Variants in RABGAP1L observed in about 807,000 individuals in gnomAD.
RABGAP1L encodes RAB GTPase activating protein 1 like.
In RABGAP1L, 63 loss-of-function variants were observed where a neutral mutation model predicts 137.7. The observed-to-expected ratio is 0.46, with a 90% CI of 0.37 to 0.56. The LOEUF (loss-of-function observed/expected upper bound fraction) is 0.56, where lower values mean the gene tolerates loss of function less well. Ranked by LOEUF, RABGAP1L falls within the 20% of genes least tolerant of loss-of-function variation. RABGAP1L has a pLI of 0.00. For synonymous variants in RABGAP1L, 431 were observed against 433.7 expected (o/e 0.99, Z 0.08); for missense variants, 1,095 against 1,244.0 (o/e 0.88, Z 1.80).
At chr1:174,328,370 T>G (rs1253184846) in intron 11 of RABGAP1L, among the ~76,000 whole-genome samples, 2 of 152,056 alleles carry the variant, frequency 1.3e-5, no homozygotes, top group Non-Finnish European at 2.9e-5. Flanking sequence ...TAATAGAAGT[T>G]GAAATCAACA....
intron 13 of RABGAP1L, among the ~76,000 whole-genome samples, chr1:174,504,416 A>G (rs1387787377): frequency 1.6e-5 from 2 of 121,726 alleles, no homozygotes; most frequent in Admixed American, 7.3e-5. Flanking sequence ...ACTTGAGGGA[A>G]AAAAAAAAAA....
chr1:174,780,095 TAAATA>T (rs1412741133), intron 18 of RABGAP1L, among the ~76,000 whole-genome samples: 1 of 150,400 alleles, frequency 6.6e-6, no homozygotes, highest in South Asian at 2.1e-4. Context: ...AATAAATAAA[TAAATA>T]AATAAATAAA....
chr1:174,562,448 G>T (rs1667284840), intron 13 of RABGAP1L, among the ~76,000 whole-genome samples: 1 of 152,134 alleles, frequency 6.6e-6, no homozygotes, highest in African/African-American at 2.4e-5. Context: ...ACAGTGTGGT[G>T]ATTCCTCAAG....
intron 13 of RABGAP1L, among the ~76,000 whole-genome samples, chr1:174,510,076 G>A (rs1160256664): frequency 6.6e-6 from 1 of 152,124 alleles, no homozygotes; most frequent in Non-Finnish European, 1.5e-5. Flanking sequence ...GACTGGTAAT[G>A]CCATTACTCT....
rs150636256 is a variant in RABGAP1L, at chr1:174,484,198, C to T, written c.1710+90053C>T. On this transcript the variant is annotated intron_variant, in intron 13 of 25. Coordinates refer to ENST00000681986, the MANE Select transcript of RABGAP1L (RefSeq NM_001366446.1). Reference sequence around the variant, plus strand: ...ATATACCTGTGTGTCATTCGTATGTCATCTTTGGAGAAATGTTTATTCAGA... The same window carrying T: ...ATATACCTGTGTGTCATTCGTATGTTATCTTTGGAGAAATGTTTATTCAGA... Among the ~76,000 whole-genome samples, 7 of 152,248 alleles carry T rather than the reference C, an allele frequency of 4.6e-5. 1 individual carries two copies. The East Asian group carries it at 1.4e-3, about 29-fold the overall frequency.
intron 17 of RABGAP1L, among the ~76,000 whole-genome samples, chr1:174,707,155 A>C (rs542369061): frequency 6.6e-6 from 1 of 152,336 alleles, no homozygotes; most frequent in Non-Finnish European, 1.5e-5. Flanking sequence ...TAGCATGAGC[A>C]TTAACTTTGA....
chr1:174,566,973 T>C (rs549247968), intron 13 of RABGAP1L, among the ~76,000 whole-genome samples: 1 of 152,324 alleles, frequency 6.6e-6, no homozygotes, highest in East Asian at 1.9e-4. Context: ...GCCTGATATT[T>C]TTTATTGTGG....
chr1:174,927,325 G>A (rs949876287), intron 19 of RABGAP1L, among the ~76,000 whole-genome samples: 1 of 152,106 alleles, frequency 6.6e-6, no homozygotes, highest in Non-Finnish European at 1.5e-5. Context: ...ATTTTATTAA[G>A]TGTTGTTTGT....
intron 12 of RABGAP1L, among the ~76,000 whole-genome samples, chr1:174,375,739 C>A (rs779518054): frequency 6.6e-6 from 1 of 151,946 alleles, no homozygotes; most frequent in Non-Finnish European, 1.5e-5. Flanking sequence ...AAATTTGAGG[C>A]CAAAATGGCA....
rs1306914188 is a variant in RABGAP1L, at chr1:174,761,407, G to A, written c.2211+9053G>A. Among the ~76,000 whole-genome samples, 1 of 152,066 alleles carries A rather than the reference G, an allele frequency of 6.6e-6. No individual in the cohort carries two copies. Among genetic ancestry groups the A allele is most frequent in the Non-Finnish European group, 1.5e-5 (1 of 68,018 alleles). On this transcript the variant is annotated intron_variant, in intron 18 of 25. Transcript: ENST00000681986. The surrounding 1 kb of genome is among the most constrained non-coding windows in gnomAD (Gnocchi z 4.0). The stretch of plus-strand genomic sequence containing the variant: ...AGAGGCACTCCTCACTTCCCAGAGG[G>A]TGGCACGGCCAGGCAGAGGCGCTCC...
In RABGAP1L at chr1:174,435,653, C is replaced by CT. The variant is rs201387438; in HGVS notation, c.1710+41516dup. On this transcript the variant is annotated intron_variant, in intron 13 of 25. Coordinates refer to ENST00000681986, the MANE Select transcript of RABGAP1L (RefSeq NM_001366446.1). ...ATATTCTTTATGCAAGATCTTAACT[C>CT]TTTTTTTTATTATTATTATACTTTA... Among the ~76,000 whole-genome samples the CT allele has an allele frequency of 3.9e-3, 592 of 151,802 alleles. 14 individuals are homozygous for CT. The highest frequency in any genetic ancestry group is 0.032 in the Admixed American group (495 of 15,240).
At chr1:174,162,437 G>A (rs141035562) in intron 1 of RABGAP1L, among the ~76,000 whole-genome samples, 1 of 152,154 alleles carries the variant, frequency 6.6e-6, no homozygotes, top group Admixed American at 6.5e-5. Flanking sequence ...GTGGGAGATA[G>A]CTAGGCTTCA....
chr1:174,233,984 A>T lies in RABGAP1L; in HGVS notation c.542+2629A>T, dbSNP rs1334567423. 6.2e-3 allele frequency among the ~76,000 whole-genome samples: 843 copies of T among 135,798 alleles called. 10 individuals are homozygous for T. The highest frequency in any genetic ancestry group is 0.028 in the African/African-American group (793 of 28,510). The allele number at this position is 135,798 out of a possible 152,430, so 89.1% of individuals were successfully genotyped here. ...TGACTGGTGTGAGATGGTATCTCAT[A>T]GTGGTTTTGATTTGCATTTCTCTGA... is the stretch of plus-strand genomic sequence containing the variant. On this transcript the variant is annotated intron_variant, in intron 4 of 25. Transcript: ENST00000681986.
intron 5 of RABGAP1L, among the ~76,000 whole-genome samples, chr1:174,249,424 C>G (rs1263604607): frequency 3.3e-5 from 5 of 152,138 alleles, no homozygotes; most frequent in African/African-American, 1.2e-4. Context: ...TGGGAAGATT[C>G]AGATACCAAT....
chr1:174,877,383 C>T (rs769303391), intron 19 of RABGAP1L: 10 of 1,544,994 alleles, frequency 6.5e-6, no homozygotes, highest in Middle Eastern at 3.5e-4. Context: ...TCCACCCCCT[C>T]GAACTCAGGT....
chr1:174,973,972 GTTTTTTGTTTTTTTT>G (rs773924575), intron 21 of RABGAP1L, among the ~76,000 whole-genome samples: 12,458 of 93,462 alleles, frequency 0.13, 624 homozygotes, highest in East Asian at 0.27. Flanking sequence ...CAGTACAATT[GTTTTTTGTTTTTTTT>G]TTTTTTTTTT....
At chr1:174,272,839 A>G (rs1010054323) in intron 8 of RABGAP1L, among the ~76,000 whole-genome samples, 1 of 151,978 alleles carries the variant, frequency 6.6e-6, no homozygotes, top group Non-Finnish European at 1.5e-5. Context: ...ATGCACTGCT[A>G]TTAATTTGAG....
At chr1:174,808,206 C>T (rs1410367198) in intron 18 of RABGAP1L, among the ~76,000 whole-genome samples, 2 of 151,954 alleles carry the variant, frequency 1.3e-5, no homozygotes, top group East Asian at 3.9e-4. Flanking sequence ...CCAGGATGGT[C>T]TCAATCTCCT....
At chr1:174,764,543 G>C (rs929966454) in intron 18 of RABGAP1L, among the ~76,000 whole-genome samples, 4 of 152,154 alleles carry the variant, frequency 2.6e-5, no homozygotes, top group Non-Finnish European at 5.9e-5. Context: ...TCCTTATTTT[G>C]CTCCTGTGGA....
Sources: allele counts gnomAD v4.1 joint callset (sites outside exome capture counted in the v4.1 genomes callset), GRCh38; gene constraint gnomAD v4.1.1; non-coding constraint Gnocchi (gnomAD v3.1); transcripts MANE v1.5; gene names NCBI Gene and HGNC (gene_info 2026-07-23, HGNC 2026-07-21).